Variants in PDE10A observed in about 807,000 individuals in gnomAD.
PDE10A encodes the protein cAMP and cAMP-inhibited cGMP 3',5'-cyclic phosphodiesterase 10A.
PDE10A carries 39 observed loss-of-function variants against 97.7 expected under a neutral mutation model. That is an observed-to-expected ratio of 0.40 (90% confidence interval 0.31 to 0.52). The LOEUF is 0.52. Among genes scored for constraint, PDE10A ranks in the 20% least tolerant of loss-of-function variants. The pLI is 0.56. For synonymous variants in PDE10A, 371 were observed against 376.8 expected (o/e 0.98, Z 0.18); for missense variants, 731 against 1,047.8 (o/e 0.70, Z 4.17).
chr6:165,927,074 T>C (rs1313902816), intron 1 of PDE10A, among the ~76,000 whole-genome samples: 11 of 129,394 alleles, frequency 8.5e-5, no homozygotes, highest in African/African-American at 3.0e-4. Flanking sequence ...CTGGGGCCTG[T>C]TGGGGGGTGG....
intron 1 of PDE10A, among the ~76,000 whole-genome samples, chr6:165,880,837 G>A (rs1164396271): frequency 6.6e-6 from 1 of 152,164 alleles, no homozygotes; most frequent in Non-Finnish European, 1.5e-5. Context: ...TCTGGGCTCA[G>A]GAAAACCCAA....
chr6:165,704,303 C>A (rs1791653298), intron 1 of PDE10A, among the ~76,000 whole-genome samples: 1 of 152,094 alleles, frequency 6.6e-6, no homozygotes. Flanking sequence ...AGGAAGGAAA[C>A]AAAGGAGGAG....
intron 1 of PDE10A, among the ~76,000 whole-genome samples, chr6:165,652,805 A>C (rs1048746263): frequency 6.6e-6 from 1 of 152,242 alleles, no homozygotes; most frequent in East Asian, 1.9e-4. Flanking sequence ...TCAGCCCTTC[A>C]TAAGCAACAC....
At chr6:165,763,307 A>C (rs931648266) in intron 1 of PDE10A, among the ~76,000 whole-genome samples, 1 of 151,920 alleles carries the variant, frequency 6.6e-6, no homozygotes, top group Admixed American at 6.6e-5. Flanking sequence ...TGTTCCTTTT[A>C]TGTTTGAGAT....
chr6:165,876,795 T>G (rs1384784579), intron 1 of PDE10A, among the ~76,000 whole-genome samples: 1 of 152,148 alleles, frequency 6.6e-6, no homozygotes, highest in Non-Finnish European at 1.5e-5. Flanking sequence ...CTAAACTTGG[T>G]GCTGCAATCT....
chr6:165,762,258 G>C (rs1793269726), intron 1 of PDE10A, among the ~76,000 whole-genome samples: 1 of 152,192 alleles, frequency 6.6e-6, no homozygotes, highest in Non-Finnish European at 1.5e-5. Flanking sequence ...TGGTCAGGGA[G>C]ATGTATTTGA....
At chr6:165,473,710 A>G (rs1177719704) in intron 3 of PDE10A, among the ~76,000 whole-genome samples, 2 of 152,250 alleles carry the variant, frequency 1.3e-5, no homozygotes, top group Non-Finnish European at 2.9e-5. Context: ...GTGGCCAAAC[A>G]GCCAAGAAAG....
At chr6:165,803,447 AC>A (rs1476873034) in intron 1 of PDE10A, among the ~76,000 whole-genome samples, 1 of 152,226 alleles carries the variant, frequency 6.6e-6, no homozygotes, top group Non-Finnish European at 1.5e-5. Context: ...TGCATCCACA[AC>A]TAAATACAGG....
In PDE10A at chr6:165,549,526, G is replaced by A. The variant is rs564665285; in HGVS notation, c.866-5958C>T. Among the ~76,000 whole-genome samples the A allele has an allele frequency of 7.2e-4, 110 of 152,136 alleles. 1 individual carries two copies. The highest frequency in any genetic ancestry group is 2.1e-3 in the African/African-American group (88 of 41,518). On this transcript the variant is annotated intron_variant, in intron 1 of 21. Transcript: ENST00000539869. ...TTTTTAGTAGAGACGGGGTTTCACC[G>A]TCTTAGCCGGGATGGTCTCGATCTC...
intron 1 of PDE10A, among the ~76,000 whole-genome samples, chr6:165,882,761 GAA>G (rs59205560): frequency 0.027 from 3,787 of 138,836 alleles, 67 homozygotes; most frequent in South Asian, 0.1. Flanking sequence ...AGATCACTCA[GAA>G]AAAAAAAAAA....
intron 1 of PDE10A, among the ~76,000 whole-genome samples, chr6:165,714,497 C>A (rs1791978277): frequency 6.6e-6 from 1 of 152,190 alleles, no homozygotes; most frequent in African/African-American, 2.4e-5. Flanking sequence ...CACTCAGCTG[C>A]AGATCAAAAT....
intron 1 of PDE10A, among the ~76,000 whole-genome samples, chr6:165,912,167 CT>C (rs1782480959): frequency 6.6e-6 from 1 of 152,034 alleles, no homozygotes; most frequent in Non-Finnish European, 1.5e-5. Flanking sequence ...AACTCTCTCT[CT>C]CTATCATCTA....
chr6:165,976,709 T>C (rs1250947078), intron 1 of PDE10A, among the ~76,000 whole-genome samples: 1 of 152,112 alleles, frequency 6.6e-6, no homozygotes, highest in Admixed American at 6.5e-5. Flanking sequence ...ACTCAAGAAT[T>C]TGGTAAACTT....
At chr6:165,397,575 C>A (rs377392176) in intron 13 of PDE10A, among the ~76,000 whole-genome samples, 2 of 151,708 alleles carry the variant, frequency 1.3e-5, no homozygotes, top group Admixed American at 6.6e-5. Context: ...GCTGGGTGCA[C>A]GCCTGTATCT....
rs57923490 is a variant in PDE10A, at chr6:165,645,853, CAA to C, written c.865+16092_865+16093del. Reference sequence around the variant, plus strand: ...TGGGCAGCAGAGCAAGACTCCATCTCAAAAAAAAAAAAAAAAGTTTACTTCCT... The same window carrying C: ...TGGGCAGCAGAGCAAGACTCCATCTCAAAAAAAAAAAAAAGTTTACTTCCT... On this transcript the variant is annotated intron_variant, in intron 1 of 21. Coordinates refer to ENST00000539869, the MANE Select transcript of PDE10A (RefSeq NM_001385079.1). Among the ~76,000 whole-genome samples, 69 of 101,212 alleles carry C rather than the reference CAA, an allele frequency of 6.8e-4. 1 individual carries two copies. The highest frequency in any genetic ancestry group is 1.5e-3 in the African/African-American group (42 of 28,668). 66.4% of individuals were successfully genotyped at this position (101,212 alleles called of 152,430 possible).
chr6:165,530,665 C>T (rs1782724230), intron 2 of PDE10A, among the ~76,000 whole-genome samples: 1 of 152,008 alleles, frequency 6.6e-6, no homozygotes, highest in Admixed American at 6.6e-5. Context: ...TCCAGCAAAA[C>T]TTTATTCTTT....
intron 1 of PDE10A, among the ~76,000 whole-genome samples, chr6:165,715,194 C>A (rs533293395): frequency 6.6e-6 from 1 of 152,252 alleles, no homozygotes; most frequent in Non-Finnish European, 1.5e-5. Context: ...GACGGGCCTG[C>A]GCCCTCATTC....
At chr6:165,746,907 T>G (rs2128454727) in intron 1 of PDE10A, among the ~76,000 whole-genome samples, 1 of 152,390 alleles carries the variant, frequency 6.6e-6, no homozygotes, top group South Asian at 2.1e-4. Flanking sequence ...CACATGATTT[T>G]GGGATATTAA....
intron 1 of PDE10A, among the ~76,000 whole-genome samples, chr6:165,562,878 AG>A (rs1019981729): frequency 1.3e-5 from 2 of 152,056 alleles, no homozygotes; most frequent in African/African-American, 4.8e-5. Context: ...CATAAGAGGA[AG>A]GGGGTACCAG....
Sources: gnomAD v4.1 joint callset for allele counts (sites outside exome capture counted in the v4.1 genomes callset) on GRCh38, gnomAD v4.1.1 for gene constraint, MANE v1.5 for transcripts, NCBI Gene and HGNC (gene_info 2026-07-23, HGNC 2026-07-21) for gene names.